PRH1: variants seen among roughly 807,000 people sequenced by gnomAD.
The protein encoded by PRH1 is salivary acidic proline-rich phosphoprotein 1/2.
Under a neutral mutation model 7.9 loss-of-function variants are expected in PRH1, and 7 were observed. The ratio of observed to expected loss-of-function variants is 0.89; its 90% CI spans 0.50 to 1.67. The LOEUF is 1.67. PRH1 is among the 40% of genes most tolerant of loss of function. The pLI is 0.00. For missense variants in PRH1, 109 were observed against 223.6 expected (o/e 0.49, Z 3.27); for synonymous variants, 45 against 80.8 (o/e 0.56, Z 2.38).
intron 2 of PRH1, chr12:10,929,421 A>C: frequency 6.5e-7 from 1 of 1,546,698 alleles, no homozygotes. Context: ...GAGGGAAGAG[A>C]GGAGGATGAG....
intron 2 of PRH1, among the ~76,000 whole-genome samples, chr12:10,960,980 T>G (rs1938211410): frequency 6.6e-6 from 1 of 152,214 alleles, no homozygotes; most frequent in Non-Finnish European, 1.5e-5. Flanking sequence ...GATATTGCTC[T>G]GACTCACTAA....
chr12:11,124,149 G>A (rs115010540), intron 1 of PRH1, among the ~76,000 whole-genome samples: 2,316 of 114,438 alleles, frequency 0.02, 18 homozygotes, highest in South Asian at 0.043. Flanking sequence ...CTGGGTCCTC[G>A]CCACACAATC....
intron 1 of PRH1, chr12:10,997,908 C>T (rs1393098944): frequency 4.8e-6 from 7 of 1,448,524 alleles, no homozygotes; most frequent in Non-Finnish European, 6.6e-6. Context: ...AAAATTCAGG[C>T]CTAATGTCAC....
At chr12:11,004,064 A>G (rs1591798150) in intron 1 of PRH1, among the ~76,000 whole-genome samples, 1 of 152,140 alleles carries the variant, frequency 6.6e-6, no homozygotes, top group Non-Finnish European at 1.5e-5. Flanking sequence ...CCTTCATCTT[A>G]TTCAAATAAT....
intron 2 of PRH1, among the ~76,000 whole-genome samples, chr12:10,904,057 TGGATA>T (rs1207971133): frequency 6.6e-6 from 1 of 151,374 alleles, no homozygotes; most frequent in Non-Finnish European, 1.5e-5. Context: ...TCCATGCTCA[TGGATA>T]GGAAGAATGA....
At position 11,168,200 on chromosome 12, in the gene PRH1, CGAAAGAAAGAAAGA is replaced by C. The variant is rs1947641453; in HGVS notation, n.39+3208_39+3221del. Among the ~76,000 whole-genome samples the C allele has an allele frequency of 2.7e-4, 10 of 36,388 alleles. 1 individual carries two copies. The highest frequency in any genetic ancestry group is 3.5e-3 in the South Asian group (2 of 564). The allele number at this position is 36,388 out of a possible 152,430, so 23.9% of individuals were successfully genotyped here. On this transcript the variant is annotated intron_variant and non_coding_transcript_variant, in intron 1 of 1. Transcript: ENST00000541175. Reference sequence around the variant, plus strand: ...TACATATTAAAGCCATGGCAAAAAACGAAAGAAAGAAAGAAGAAAGAAAGAAAGAAAGAAAGAAA... The same window carrying C: ...TACATATTAAAGCCATGGCAAAAAACAGAAAGAAAGAAAGAAAGAAAGAAA...
At chr12:11,113,815 A>ATTTTCTCC (rs1945656758) in intron 1 of PRH1, among the ~76,000 whole-genome samples, 3 of 151,244 alleles carry the variant, frequency 2.0e-5, no homozygotes, top group Admixed American at 1.3e-4. Flanking sequence ...AATCTATTAA[A>ATTTTCTCC]CAAACAACCC....
intron 1 of PRH1, among the ~76,000 whole-genome samples, chr12:10,991,144 G>C (rs1224506491): frequency 1.3e-5 from 2 of 152,170 alleles, no homozygotes; most frequent in African/African-American, 4.8e-5. Flanking sequence ...GTTATGACTA[G>C]ATGAACTTAC....
chr12:11,043,410 T>C (rs1942790159), intron 1 of PRH1, among the ~76,000 whole-genome samples: 1 of 152,306 alleles, frequency 6.6e-6, no homozygotes, highest in South Asian at 2.1e-4. Flanking sequence ...CAATCACTGC[T>C]GCTATTCAAC....
At chr12:10,980,007 C>T (rs1939279749) in intron 1 of PRH1, among the ~76,000 whole-genome samples, 1 of 152,046 alleles carries the variant, frequency 6.6e-6, no homozygotes. Context: ...GTCAAATATG[C>T]TATTAGAGAA....
At chr12:10,974,833 G>A (rs866352980) in intron 1 of PRH1, among the ~76,000 whole-genome samples, 1 of 152,310 alleles carries the variant, frequency 6.6e-6, no homozygotes, top group Middle Eastern at 3.4e-3. Flanking sequence ...TCAGAATATG[G>A]ATGGGAATGA....
At chr12:10,978,077 A>AT (rs1254255183) in intron 1 of PRH1, among the ~76,000 whole-genome samples, 2 of 132,964 alleles carry the variant, frequency 1.5e-5, no homozygotes, top group African/African-American at 2.6e-5. Context: ...TTCATATGGA[A>AT]TAAAAAAAAA....
intron 1 of PRH1, among the ~76,000 whole-genome samples, chr12:11,040,254 T>A (rs974565792): frequency 6.6e-5 from 10 of 152,234 alleles, no homozygotes; most frequent in African/African-American, 2.4e-4. Context: ...TCTTTTCCAT[T>A]TAAAAAGTAT....
Position 11,115,395 on chromosome 12 carries a change from A to T in PRH1, n.123+56027T>A, listed in dbSNP as rs146117220. ...ACTCAACACTGGAGCACCCAGATATATAAAGCAAATACTATTAGACCAAAG... is the reference window on the plus strand; with the variant it reads ...ACTCAACACTGGAGCACCCAGATATTTAAAGCAAATACTATTAGACCAAAG... On this transcript the variant is annotated intron_variant and non_coding_transcript_variant, in intron 1 of 4. Transcript: ENST00000541977. 3.3e-3 allele frequency among the ~76,000 whole-genome samples: 487 copies of T among 149,478 alleles called. 2 individuals are homozygous for T. The highest frequency in any genetic ancestry group is 6.1e-3 in the Non-Finnish European group (402 of 66,422).
intron 2 of PRH1, among the ~76,000 whole-genome samples, chr12:10,971,518 G>A (rs115517909): frequency 0.018 from 2,774 of 152,088 alleles, 78 homozygotes; most frequent in African/African-American, 0.064. Flanking sequence ...ATCACTGATA[G>A]ACATTTGAGA....
At chr12:11,126,479 A>C (rs78667476) in intron 1 of PRH1, among the ~76,000 whole-genome samples, 2 of 131,048 alleles carry the variant, frequency 1.5e-5, no homozygotes, top group Non-Finnish European at 3.5e-5. Flanking sequence ...GCTGTATAGT[A>C]TTCTATTGTA....
At chr12:10,999,418 T>G (rs1328671377) in intron 1 of PRH1, among the ~76,000 whole-genome samples, 1 of 152,180 alleles carries the variant, frequency 6.6e-6, no homozygotes, top group Non-Finnish European at 1.5e-5. Flanking sequence ...TCTTGAGTTG[T>G]ATAAGAATGT....
intron 1 of PRH1, among the ~76,000 whole-genome samples, chr12:11,146,581 A>C (rs1407742837): frequency 6.6e-6 from 1 of 152,172 alleles, no homozygotes; most frequent in African/African-American, 2.4e-5. Context: ...AGATCTTTCC[A>C]AGGAATTTAA....
rs114103635 is a variant in PRH1, at chr12:11,065,410, A to G, written n.124-18222T>C. Among the ~76,000 whole-genome samples the G allele has an allele frequency of 5.1e-3, 655 of 128,556 alleles. 5 individuals carry two copies. Among genetic ancestry groups the G allele is most frequent in the African/African-American group, 0.016 (611 of 39,290 alleles). The allele number at this position is 128,556 out of a possible 152,430, so 84.3% of individuals were successfully genotyped here. On this transcript the variant is annotated intron_variant and non_coding_transcript_variant, in intron 1 of 4. Transcript: ENST00000541977. ...GCTTCTGGCCCATTTTCTCTCTTCT[A>G]ATCTTCTGGAACTGCAGAAGTATGT...
Sources: gnomAD v4.1 joint callset for allele counts (sites outside exome capture counted in the v4.1 genomes callset) on GRCh38, gnomAD v4.1.1 for gene constraint, MANE v1.5 for transcripts, NCBI Gene and HGNC (gene_info 2026-07-23, HGNC 2026-07-21) for gene names.